The following LRRC37A2 variants were observed in gnomAD, a reference collection of about 807,000 sequenced individuals.
LRRC37A2 encodes leucine rich repeat containing 37 member A2, also known as leucine-rich repeat-containing protein 37A2.
LRRC37A2 carries 9 observed loss-of-function variants against 68.8 expected under a neutral mutation model. That is an observed-to-expected ratio of 0.13 (90% CI 0.08 to 0.23). LRRC37A2 has a LOEUF of 0.23. Ranked by LOEUF, LRRC37A2 falls within the 10% of genes least tolerant of loss-of-function variation. The pLI, the probability that LRRC37A2 is intolerant of heterozygous loss-of-function variation, is 1.00. For synonymous variants in LRRC37A2, 63 were observed against 367.6 expected (o/e 0.17, Z 9.48); for missense variants, 168 against 950.4 (o/e 0.18, Z 10.82).
the LRRC37A2 span, chr17:47,017,773 G>A: frequency 9.9e-6 from 16 of 1,610,460 alleles, no homozygotes; most frequent in Non-Finnish European, 1.2e-5. Flanking sequence ...TATCCCGGTA[G>A]CCTGCCTCCA....
chr17:46,568,593 A>C, the LRRC37A2 span, among the ~76,000 whole-genome samples: 5 of 96,392 alleles, frequency 5.2e-5, no homozygotes, highest in African/African-American at 2.2e-4. Context: ...GCTTGAGCCC[A>C]GGAGTTTGAG....
chr17:46,940,472 G>A, the LRRC37A2 span: 19 of 1,611,918 alleles, frequency 1.2e-5, no homozygotes, highest in Non-Finnish European at 1.4e-5. Flanking sequence ...CACTGCTGCG[G>A]TGCCAGGGAC....
the LRRC37A2 span, chr17:47,017,669 C>A: frequency 5.0e-6 from 8 of 1,610,678 alleles, no homozygotes; most frequent in Admixed American, 1.7e-5. Context: ...AGCGTTGGAG[C>A]CTTGCTGAGA....
chr17:46,990,041 G>A, the LRRC37A2 span, among the ~76,000 whole-genome samples: 106,547 of 152,178 alleles, frequency 0.7, 37,926 homozygotes, highest in Middle Eastern at 0.78. Flanking sequence ...ATAAGCCAAA[G>A]TGGGCCAATC....
At chr17:46,738,096 AC>A in the LRRC37A2 span, among the ~76,000 whole-genome samples, 1 of 151,706 alleles carries the variant, frequency 6.6e-6, no homozygotes, top group African/African-American at 2.4e-5. Context: ...ACCACACCTG[AC>A]TAATCTTTAT....
the LRRC37A2 span, chr17:46,975,337 G>T: frequency 6.6e-6 from 1 of 152,190 alleles, no homozygotes; most frequent in African/African-American, 2.4e-5. Context: ...ATTTATCGGT[G>T]CATCCTGGGA....
chr17:46,884,858 G>A, the LRRC37A2 span, among the ~76,000 whole-genome samples: 1 of 152,128 alleles, frequency 6.6e-6, no homozygotes, highest in Non-Finnish European at 1.5e-5. Context: ...GAGCTGGGGA[G>A]GACTATGGCC....
chr17:46,829,144 A>AT, the LRRC37A2 span, among the ~76,000 whole-genome samples: 3 of 151,928 alleles, frequency 2.0e-5, no homozygotes, highest in Non-Finnish European at 2.9e-5. Flanking sequence ...TAAAATGGTG[A>AT]TTTTTTTATG....
the LRRC37A2 span, among the ~76,000 whole-genome samples, chr17:46,575,027 C>T: frequency 2.6e-5 from 2 of 76,100 alleles, no homozygotes; most frequent in African/African-American, 4.2e-5. Context: ...ACCCAGGAGG[C>T]GGAGGTTGTA....
chr17:46,892,388 G>A, the LRRC37A2 span, among the ~76,000 whole-genome samples: 1 of 152,126 alleles, frequency 6.6e-6, no homozygotes, highest in Non-Finnish European at 1.5e-5. Context: ...GTCTCTGAAT[G>A]CTGACCACGT....
chr17:46,456,246 G>A, the LRRC37A2 span, among the ~76,000 whole-genome samples: 5 of 106,888 alleles, frequency 4.7e-5, 1 homozygote, highest in African/African-American at 6.5e-5. Flanking sequence ...GTGTGTGTGT[G>A]TATACACATA....
At chr17:46,798,287 C>A in the LRRC37A2 span, among the ~76,000 whole-genome samples, 1 of 152,262 alleles carries the variant, frequency 6.6e-6, no homozygotes, top group East Asian at 1.9e-4. Context: ...GTGGTCACAT[C>A]TAGAGGGAGA....
At chr17:46,962,943 AC>A in the LRRC37A2 span, among the ~76,000 whole-genome samples, 1 of 152,204 alleles carries the variant, frequency 6.6e-6, no homozygotes, top group African/African-American at 2.4e-5. Context: ...ATCCTTTCAA[AC>A]ATACTTAGAG....
chr17:46,454,414 A>C, the LRRC37A2 span, among the ~76,000 whole-genome samples: 1 of 57,440 alleles, frequency 1.7e-5, no homozygotes, highest in Non-Finnish European at 3.2e-5. Flanking sequence ...CTTATAGCGA[A>C]GAAGCCATGT....
At chr17:46,978,393 C>CAAAAAA in the LRRC37A2 span, 8 of 439,128 alleles carry the variant, frequency 1.8e-5, no homozygotes, top group Non-Finnish European at 3.2e-5. Context: ...AACAAACAAA[C>CAAAAAA]AAAAAAAACT....
the LRRC37A2 span, among the ~76,000 whole-genome samples, chr17:46,728,439 A>T: frequency 1.3e-5 from 2 of 152,128 alleles, no homozygotes; most frequent in East Asian, 3.8e-4. Flanking sequence ...ACATGAACTC[A>T]AAGTGAATAT....
chr17:46,799,021 C>T, the LRRC37A2 span, among the ~76,000 whole-genome samples: 354 of 142,936 alleles, frequency 2.5e-3, 8 homozygotes, highest in Admixed American at 0.025. Flanking sequence ...GTACTCCAGC[C>T]TGGTGACAGA....
chr17:46,541,454 G>A (rs1490238019), intron 8 of LRRC37A2, among the ~76,000 whole-genome samples: 2 of 149,170 alleles, frequency 1.3e-5, no homozygotes, highest in Non-Finnish European at 2.9e-5. Context: ...GTTTCGCCAT[G>A]TTGGCCAGGG....
chr17:46,971,291 C>T, the LRRC37A2 span, among the ~76,000 whole-genome samples: 3 of 152,204 alleles, frequency 2.0e-5, no homozygotes, highest in South Asian at 6.2e-4. Context: ...GAGCTGAGAT[C>T]GCACTACTGC....
Sources: gnomAD v4.1 joint callset for allele counts (sites outside exome capture counted in the v4.1 genomes callset) on GRCh38, gnomAD v4.1.1 for gene constraint, MANE v1.5 for transcripts, NCBI Gene and HGNC (gene_info 2026-07-23, HGNC 2026-07-21) for gene names.